The following AUH variants were observed in gnomAD, a reference collection of about 807,000 sequenced individuals.
AUH encodes methylglutaconyl-CoA hydratase, mitochondrial.
In AUH, 29 loss-of-function variants were observed where a neutral mutation model predicts 42.3. That is an observed-to-expected ratio of 0.69 (90% CI 0.51 to 0.93). AUH has a LOEUF of 0.93. Among genes scored for constraint, AUH ranks in the 40% least tolerant of loss-of-function variants. The probability of loss-of-function intolerance (pLI) is 0.00; values close to 1 mark genes in which losing one functional copy is unlikely to be tolerated. For synonymous variants in AUH, 174 were observed against 166.4 expected, an observed-to-expected ratio of 1.05 and a Z score of -0.35; for missense variants, 452 against 438.1, an observed-to-expected ratio of 1.03 and a Z score of -0.28.
chr9:91,262,589 C>G (rs892718012), intron 6 of AUH, among the ~76,000 whole-genome samples: 4 of 152,128 alleles, frequency 2.6e-5, no homozygotes, highest in African/African-American at 9.7e-5. Flanking sequence ...ATGAGCCAGG[C>G]ACCATTCTCA....
At chr9:91,215,700 G>C (rs1314170370) in intron 9 of AUH, among the ~76,000 whole-genome samples, 1 of 152,120 alleles carries the variant, frequency 6.6e-6, no homozygotes, top group African/African-American at 2.4e-5. Flanking sequence ...CTCACCCCAG[G>C]TTGCATGGCA....
At chr9:91,237,581 TA>T (rs1828262189) in intron 6 of AUH, among the ~76,000 whole-genome samples, 1 of 152,218 alleles carries the variant, frequency 6.6e-6, no homozygotes, top group African/African-American at 2.4e-5. Context: ...GTTAAGTTTT[TA>T]ATCTTTGGAA....
intron 6 of AUH, among the ~76,000 whole-genome samples, chr9:91,290,107 T>G (rs940806397): frequency 6.6e-6 from 1 of 152,184 alleles, no homozygotes; most frequent in Non-Finnish European, 1.5e-5. Flanking sequence ...CTAAAATACA[T>G]TCCTCAAACT....
intron 3 of AUH, among the ~76,000 whole-genome samples, chr9:91,351,435 C>T (rs1173026799): frequency 6.6e-6 from 1 of 152,172 alleles, no homozygotes; most frequent in Non-Finnish European, 1.5e-5. Context: ...TAAATATCTA[C>T]TTAACATTCT....
rs200793949 is a variant in AUH, at chr9:91,324,547, T to TAA, written c.505+769_505+770dup. On this transcript the variant is annotated intron_variant, in intron 4 of 9. Transcript: ENST00000375731. ...AAAAAAAAAAAAAACTAAAACCAAA[T>TAA]AAAAAAAAAAAAAGAAAGCCAAATC... 2.1e-3 allele frequency among the ~76,000 whole-genome samples: 186 copies of TAA among 90,688 alleles called. 1 individual carries two copies. Among genetic ancestry groups the TAA allele is most frequent in the African/African-American group, 6.9e-3 (168 of 24,512 alleles). The allele number at this position is 90,688 out of a possible 152,430, so 59.5% of individuals were successfully genotyped here.
chr9:91,222,418 A>T (rs1394769249), intron 6 of AUH, among the ~76,000 whole-genome samples: 1 of 152,270 alleles, frequency 6.6e-6, no homozygotes, highest in Non-Finnish European at 1.5e-5. Flanking sequence ...AATATTTTCA[A>T]TACAGACTGT....
intron 4 of AUH, among the ~76,000 whole-genome samples, chr9:91,302,874 A>G (rs1309403650): frequency 6.6e-6 from 1 of 152,228 alleles, no homozygotes; most frequent in Admixed American, 6.5e-5. Flanking sequence ...TAGCAAAATG[A>G]CAGTTGTATA....
intron 3 of AUH, among the ~76,000 whole-genome samples, chr9:91,339,567 A>G (rs535041632): frequency 8.2e-4 from 125 of 152,024 alleles, no homozygotes; most frequent in Non-Finnish European, 1.4e-3. Flanking sequence ...GGTTGTAAAC[A>G]TGTGTGTGTG....
In AUH at chr9:91,221,780, A is replaced by G. The variant is rs557052939; in HGVS notation, c.656-788T>C. ...ATGTAGGTCAGAATAGTTCTACAGC[A>G]AAAGATGCTTATTTTGTTGAAGATA... On this transcript the variant is annotated intron_variant, in intron 6 of 9. Transcript: ENST00000375731. Among the ~76,000 whole-genome samples the G allele has an allele frequency of 3.9e-5, 6 of 152,374 alleles. No homozygotes were observed. The South Asian group carries it at 8.3e-4, about 21-fold the overall frequency.
At chr9:91,283,567 T>C (rs1236324751) in intron 6 of AUH, among the ~76,000 whole-genome samples, 2 of 151,954 alleles carry the variant, frequency 1.3e-5, no homozygotes, top group African/African-American at 2.4e-5. Context: ...AAAACCCCAT[T>C]GTCTCAGCCC....
At chr9:91,324,438 G>C (rs751641350) in intron 4 of AUH, among the ~76,000 whole-genome samples, 3 of 151,358 alleles carry the variant, frequency 2.0e-5, no homozygotes, top group Non-Finnish European at 4.4e-5. Flanking sequence ...AGGAGTTGGA[G>C]GTTACAGTGA....
chr9:91,221,090 C>T (rs1827109626), intron 6 of AUH, 98 bp from the exon 7 acceptor site: 2 of 1,363,920 alleles, frequency 1.5e-6, no homozygotes, highest in Non-Finnish European at 2.1e-6. Context: ...AAACCAGGGC[C>T]AGAAGTTTAT....
At chr9:91,315,103 A>G (rs1339126873) in intron 4 of AUH, among the ~76,000 whole-genome samples, 1 of 152,042 alleles carries the variant, frequency 6.6e-6, no homozygotes, top group Non-Finnish European at 1.5e-5. Flanking sequence ...CGTCCAGCTA[A>G]TTTTTGTATT....
intron 6 of AUH, among the ~76,000 whole-genome samples, chr9:91,234,916 A>C (rs554165425): frequency 6.6e-6 from 1 of 150,468 alleles, no homozygotes; most frequent in East Asian, 2.0e-4. Context: ...CCAATGTCTG[A>C]AATATAACCA....
intron 6 of AUH, among the ~76,000 whole-genome samples, chr9:91,288,724 A>T (rs1319588308): frequency 1.3e-5 from 2 of 152,158 alleles, no homozygotes; most frequent in Non-Finnish European, 2.9e-5. Flanking sequence ...ATGTTTCCAC[A>T]TTCCTTCACG....
intron 6 of AUH, among the ~76,000 whole-genome samples, chr9:91,236,778 T>C (rs1828210761): frequency 1.3e-5 from 2 of 152,254 alleles, no homozygotes; most frequent in Admixed American, 1.3e-4. Flanking sequence ...ATGCTCATCA[T>C]GGTTTCTGGA....
chr9:91,361,917 A>G lies in AUH; in HGVS notation c.-28T>C, dbSNP rs981990900. 19 of 1,354,492 alleles carry G rather than the reference A, an allele frequency of 1.4e-5. No homozygotes were observed. The highest frequency in any genetic ancestry group is 1.6e-5 in the Non-Finnish European group (17 of 1,056,084). 83.9% of individuals were successfully genotyped at this position (1,354,492 alleles called of 1,614,324 possible). A position where few individuals can be genotyped will look rare whatever the true frequency, so the allele number is the denominator to read the frequency against. On this transcript the variant is annotated 5_prime_UTR_variant, in exon 1 of 10. Coordinates refer to ENST00000375731, the MANE Select transcript of AUH (RefSeq NM_001698.3). ...TGTCTGTTTACGGCGTGGACCTGCG[A>G]CGGCCGCTCCGCCCCCGCCCGGCGC...
chr9:91,361,903 G>C lies in AUH; in HGVS notation c.-14C>G. On this transcript the variant is annotated 5_prime_UTR_variant, in exon 1 of 10. Transcript: ENST00000375731. ...CGCGGCCGCCATGTTGTCTGTTTACGGCGTGGACCTGCGACGGCCGCTCCG... is the reference window on the plus strand; with the variant it reads ...CGCGGCCGCCATGTTGTCTGTTTACCGCGTGGACCTGCGACGGCCGCTCCG... The C allele has an allele frequency of 2.1e-6, 3 of 1,415,020 alleles. No individual in the cohort carries two copies. Among genetic ancestry groups the C allele is most frequent in the Non-Finnish European group, 1.8e-6 (2 of 1,087,494 alleles). 87.7% of individuals were successfully genotyped at this position (1,415,020 alleles called of 1,614,324 possible). A position where few individuals can be genotyped will look rare whatever the true frequency, so the allele number is the denominator to read the frequency against.
intron 6 of AUH, among the ~76,000 whole-genome samples, chr9:91,231,286 T>C (rs1053417109): frequency 3.9e-5 from 6 of 152,202 alleles, no homozygotes; most frequent in African/African-American, 1.4e-4. Flanking sequence ...AAAAGCGCAG[T>C]ATTCGGGTCG....
Sources: allele counts gnomAD v4.1 joint callset (sites outside exome capture counted in the v4.1 genomes callset), GRCh38; gene constraint gnomAD v4.1.1; transcripts MANE v1.5; gene names NCBI Gene and HGNC (gene_info 2026-07-23, HGNC 2026-07-21).